Variants in PLCB1 observed in about 807,000 individuals in gnomAD.
PLCB1 encodes the protein phospholipase C beta 1, also known as 1-phosphatidylinositol 4,5-bisphosphate phosphodiesterase beta-1.
In PLCB1, 46 loss-of-function variants were observed where a neutral mutation model predicts 161.8. The observed-to-expected ratio is 0.28, with a 90% CI of 0.22 to 0.36. The LOEUF is 0.36. Ranked by LOEUF, PLCB1 falls within the 10% of genes least tolerant of loss-of-function variation. The pLI, the probability that PLCB1 is intolerant of heterozygous loss-of-function variation, is 1.00. For missense variants in PLCB1, 1,016 were observed against 1,472.5 expected, an observed-to-expected ratio of 0.69 and a Z score of 5.07; for synonymous variants, 517 against 503.7, an observed-to-expected ratio of 1.03 and a Z score of -0.35.
chr20:8,774,278 A>G (rs188997612), intron 26 of PLCB1, among the ~76,000 whole-genome samples: 1 of 152,288 alleles, frequency 6.6e-6, no homozygotes, highest in East Asian at 1.9e-4. Flanking sequence ...CACCACTGCC[A>G]TGCCTAGGGC....
At chr20:8,212,407 A>G (rs1978873859) in intron 2 of PLCB1, among the ~76,000 whole-genome samples, 1 of 152,124 alleles carries the variant, frequency 6.6e-6, no homozygotes, top group Non-Finnish European at 1.5e-5. Flanking sequence ...TACAATTGAC[A>G]TCAAGAAAAT....
At chr20:8,213,324 G>A (rs988453383) in intron 2 of PLCB1, among the ~76,000 whole-genome samples, 2 of 152,188 alleles carry the variant, frequency 1.3e-5, no homozygotes, top group Non-Finnish European at 2.9e-5. Context: ...CAGTCTGATG[G>A]TGGCTGGCAG....
intron 23 of PLCB1, 107 bp downstream of exon 23, chr20:8,741,680 T>C (rs1980889269): frequency 5.9e-6 from 4 of 676,986 alleles, no homozygotes; most frequent in East Asian, 5.6e-5. Context: ...GAATAGCACA[T>C]TGGAACAACA....
intron 2 of PLCB1, among the ~76,000 whole-genome samples, chr20:8,230,360 T>C (rs1408067032): frequency 6.6e-6 from 1 of 152,170 alleles, no homozygotes; most frequent in African/African-American, 2.4e-5. Context: ...AATCAGGGTA[T>C]TTAGGATAGC....
At chr20:8,158,516 A>C (rs1179839253) in intron 2 of PLCB1, among the ~76,000 whole-genome samples, 1 of 152,114 alleles carries the variant, frequency 6.6e-6, no homozygotes, top group Non-Finnish European at 1.5e-5. Flanking sequence ...AGCTTCCCAA[A>C]TCTCATGTCC....
At chr20:8,202,117 G>C (rs6039089) in intron 2 of PLCB1, among the ~76,000 whole-genome samples, 1 of 88,748 alleles carries the variant, frequency 1.1e-5, no homozygotes, top group African/African-American at 4.2e-5. Context: ...TCACTCTGTC[G>C]CCCAGACTGG....
chr20:8,257,541 T>A (rs1273456182), intron 2 of PLCB1, among the ~76,000 whole-genome samples: 1 of 152,186 alleles, frequency 6.6e-6, no homozygotes, highest in Non-Finnish European at 1.5e-5. Context: ...TAAGCTTAGT[T>A]ATGTGTTACC....
chr20:8,789,410 A>G, intron 29 of PLCB1, 108 bp from the exon 30 acceptor site: 3 of 780,728 alleles, frequency 3.8e-6, no homozygotes, highest in Non-Finnish European at 6.6e-6. Flanking sequence ...TAAGGAAAAA[A>G]GAAAAAGAAT....
At chr20:8,187,679 G>A (rs1277927213) in intron 2 of PLCB1, among the ~76,000 whole-genome samples, 1 of 152,030 alleles carries the variant, frequency 6.6e-6, no homozygotes, top group African/African-American at 2.4e-5. Context: ...TGGAGTGCTG[G>A]CATTTTTTCC....
intron 3 of PLCB1, among the ~76,000 whole-genome samples, chr20:8,538,834 C>T (rs562108053): frequency 1.5e-3 from 221 of 150,356 alleles, no homozygotes; most frequent in African/African-American, 5.0e-3. Context: ...CACTGTGTCA[C>T]CCAGGCTGGA....
At chr20:8,219,994 C>T (rs1363434148) in intron 2 of PLCB1, among the ~76,000 whole-genome samples, 1 of 152,018 alleles carries the variant, frequency 6.6e-6, no homozygotes, top group African/African-American at 2.4e-5. Flanking sequence ...TAAAACAATG[C>T]CTGGCATACA....
At chr20:8,531,294 G>T (rs1211707608) in intron 3 of PLCB1, among the ~76,000 whole-genome samples, 1 of 152,056 alleles carries the variant, frequency 6.6e-6, no homozygotes, top group Non-Finnish European at 1.5e-5. Context: ...AATGATACTT[G>T]CAGGACTTAC....
At chr20:8,666,135 T>C (rs6055984) in intron 9 of PLCB1, among the ~76,000 whole-genome samples, 69,420 of 151,862 alleles carry the variant, frequency 0.46, 16,054 homozygotes, top group Admixed American at 0.5. Flanking sequence ...TGATGTGTGT[T>C]CTCTGCTTTC....
intron 15 of PLCB1, 84 bp downstream of exon 15, chr20:8,722,505 C>A: frequency 1.1e-6 from 1 of 904,124 alleles, no homozygotes; most frequent in Non-Finnish European, 1.6e-6. Context: ...TTTCTGCCAT[C>A]TAGTGGCAAA....
At chr20:8,509,261 G>C (rs1328666918) in intron 3 of PLCB1, among the ~76,000 whole-genome samples, 2 of 152,134 alleles carry the variant, frequency 1.3e-5, no homozygotes, top group East Asian at 3.8e-4. Flanking sequence ...CCCATGTGTG[G>C]CTAGACAATG....
rs184173702 is a variant in PLCB1, at chr20:8,862,194, T to G, written c.3424-19428T>G. ...AAACTGCTTTTGAATATACTCACTA[T>G]GTCATGCATGATTTATTTATTTAAA... On this transcript the variant is annotated intron_variant, in intron 31 of 31. Transcript: ENST00000338037. Among the ~76,000 whole-genome samples the G allele has an allele frequency of 3.3e-5, 5 of 152,352 alleles. No individual in the cohort carries two copies. In the East Asian group the frequency reaches 9.6e-4, roughly 29 times the overall value.
chr20:8,194,874 A>C (rs1341850381), intron 2 of PLCB1, among the ~76,000 whole-genome samples: 2 of 152,108 alleles, frequency 1.3e-5, no homozygotes, highest in African/African-American at 4.8e-5. Context: ...GCACAAGTCC[A>C]TCTGTCTTAC....
chr20:8,790,321 A>G, intron 31 of PLCB1, 60 bp downstream of exon 31: 1 of 1,305,386 alleles, frequency 7.7e-7, no homozygotes, highest in Non-Finnish European at 1.1e-6. Context: ...TAGTAAGAGT[A>G]AAACCTTCCT....
chr20:8,533,823 A>C (rs1434796493), intron 3 of PLCB1, among the ~76,000 whole-genome samples: 2 of 151,616 alleles, frequency 1.3e-5, no homozygotes, highest in African/African-American at 4.9e-5. Context: ...TTGCCTGTTC[A>C]CTCTGATGGT....
Sources: gnomAD v4.1 joint callset for allele counts (sites outside exome capture counted in the v4.1 genomes callset) on GRCh38, gnomAD v4.1.1 for gene constraint, MANE v1.5 for transcripts, NCBI Gene and HGNC (gene_info 2026-07-23, HGNC 2026-07-21) for gene names.